The following METTL9 variants were observed in gnomAD, a reference collection of about 807,000 sequenced individuals.
METTL9 encodes methyltransferase 9, His-X-His N1(pi)-histidine.
A neutral mutation model predicts 36.0 loss-of-function variants in METTL9; 10 were observed. The ratio of observed to expected loss-of-function variants is 0.28; its 90% CI spans 0.17 to 0.47. METTL9 has a LOEUF of 0.47. Ranked by LOEUF, METTL9 falls within the 20% of genes least tolerant of loss-of-function variation. The probability of loss-of-function intolerance (pLI) is 0.99; values close to 1 mark genes in which losing one functional copy is unlikely to be tolerated. For synonymous variants in METTL9, 175 were observed against 149.7 expected, an observed-to-expected ratio of 1.17 and a Z score of -1.23; for missense variants, 246 against 383.5, an observed-to-expected ratio of 0.64 and a Z score of 3.00.
chr16:21,630,698 G>C (rs1204810972), intron 4 of METTL9, among the ~76,000 whole-genome samples: 1 of 152,136 alleles, frequency 6.6e-6, no homozygotes, highest in Non-Finnish European at 1.5e-5. Flanking sequence ...TGTTAGTTGA[G>C]CTCATTTGGG....
rs1464400417 is a variant in METTL9, at chr16:21,603,880, A to AT, written c.165+3988dup. Among the ~76,000 whole-genome samples the AT allele has an allele frequency of 3.9e-5, 6 of 152,258 alleles. No homozygotes were observed. In the East Asian group the frequency reaches 9.6e-4, roughly 24 times the overall value. Reference sequence around the variant, plus strand: ...AAGTATGTGTATATTTTTGTGACTTATTTTTTCACTTTCTTATATAAGCTC... The same window carrying AT: ...AAGTATGTGTATATTTTTGTGACTTATTTTTTTCACTTTCTTATATAAGCTC... On this transcript the variant is annotated intron_variant, in intron 1 of 4. Transcript: ENST00000358154.
At chr16:21,600,808 G>A (rs376513055) in intron 1 of METTL9, among the ~76,000 whole-genome samples, 22 of 152,182 alleles carry the variant, frequency 1.4e-4, no homozygotes, top group African/African-American at 5.1e-4. Flanking sequence ...TTTGAACTCT[G>A]CCAGAGTGTT....
At chr16:21,630,469 G>A (rs1038815343) in intron 4 of METTL9, among the ~76,000 whole-genome samples, 15 of 152,212 alleles carry the variant, frequency 9.9e-5, no homozygotes, top group Non-Finnish European at 1.8e-4. Flanking sequence ...AGGGGGCGCC[G>A]AGAGCGAGCG....
intron 4 of METTL9, among the ~76,000 whole-genome samples, chr16:21,627,911 C>T (rs1207542349): frequency 6.6e-6 from 1 of 152,122 alleles, no homozygotes; most frequent in Non-Finnish European, 1.5e-5. Flanking sequence ...CGAGATTGCA[C>T]CACTGCACTC....
chr16:21,625,521 T>C (rs1185432899), intron 4 of METTL9, among the ~76,000 whole-genome samples: 1 of 152,234 alleles, frequency 6.6e-6, no homozygotes, highest in Admixed American at 6.5e-5. Flanking sequence ...TTTGCATCTC[T>C]TGTGCCAGAC....
chr16:21,597,351 G>A (rs919653286), upstream of METTL9: 32 of 1,195,192 alleles, frequency 2.7e-5, no homozygotes, highest in African/African-American at 6.3e-5. Flanking sequence ...TTTGATCATC[G>A]GATGCTCTGG....
Position 21,599,676 on chromosome 16 carries a change from GCCT to G in METTL9, c.-47_-45del, listed in dbSNP as rs946879979. ...GGCGGCGGTGGCCGGAGGCGGCGGT[GCCT>G]CCTCCTCCTCGCCCCGGCGCCGGCG... is the stretch of plus-strand genomic sequence containing the variant. On this transcript the variant is annotated 5_prime_UTR_variant, in exon 1 of 5. Coordinates refer to ENST00000358154, the MANE Select transcript of METTL9 (RefSeq NM_016025.5). This position sits in a 1 kb window ranked among gnomAD's most constrained non-coding sequence, Gnocchi z 4.4. 49 of 1,382,350 alleles carry G rather than the reference GCCT, an allele frequency of 3.5e-5. No individual in the cohort carries two copies. The highest frequency in any genetic ancestry group is 1.5e-4 in the South Asian group (9 of 61,524). The allele number at this position is 1,382,350 out of a possible 1,614,324, so 85.6% of individuals were successfully genotyped here. A position where few individuals can be genotyped will look rare whatever the true frequency, so the allele number is the denominator to read the frequency against.
chr16:21,603,341 G>A (rs1965187537), intron 1 of METTL9, among the ~76,000 whole-genome samples: 1 of 152,078 alleles, frequency 6.6e-6, no homozygotes, highest in Admixed American at 6.6e-5. Context: ...GCTTCACCAT[G>A]TTGGCCAGGC....
At chr16:21,603,995 T>C (rs963786777) in intron 1 of METTL9, among the ~76,000 whole-genome samples, 1 of 152,134 alleles carries the variant, frequency 6.6e-6, no homozygotes, top group Non-Finnish European at 1.5e-5. Flanking sequence ...TTGGACAGCA[T>C]AGCCAGAGCC....
chr16:21,618,693 G>A lies in METTL9; in HGVS notation c.566+619G>A, dbSNP rs374792988. ...CAAGGTTTACTCATGTTGTACCATG[G>A]GCCAAAATTTTCTTTTCTTTTCTTT... On this transcript the variant is annotated intron_variant, in intron 3 of 4. Transcript: ENST00000358154. 9.2e-5 allele frequency among the ~76,000 whole-genome samples: 14 copies of A among 151,802 alleles called. No individual in the cohort carries two copies. In the South Asian group the frequency reaches 2.7e-3, roughly 29 times the overall value.
intron 4 of METTL9, among the ~76,000 whole-genome samples, chr16:21,631,164 C>T (rs1965951336): frequency 6.6e-6 from 1 of 152,114 alleles, no homozygotes; most frequent in African/African-American, 2.4e-5. Context: ...AGTAGATAAA[C>T]TGGCTATTCC....
intron 1 of METTL9, 118 bp from the exon 2 acceptor site, chr16:21,612,527 G>T: frequency 1.1e-6 from 1 of 897,368 alleles, no homozygotes. Context: ...ATCATGAGAT[G>T]GTAATATTTG....
At chr16:21,634,759 C>T (rs927302133) in intron 4 of METTL9, among the ~76,000 whole-genome samples, 5 of 152,056 alleles carry the variant, frequency 3.3e-5, no homozygotes, top group African/African-American at 1.2e-4. Flanking sequence ...GTGATTTGGG[C>T]GACGGGAGTA....
At chr16:21,631,908 T>C (rs1965972165) in intron 4 of METTL9, among the ~76,000 whole-genome samples, 2 of 152,174 alleles carry the variant, frequency 1.3e-5, no homozygotes, top group Admixed American at 1.3e-4. Flanking sequence ...CCATCTCTCT[T>C]TCTCTTTGAC....
At chr16:21,612,566 G>GT in intron 1 of METTL9, 79 bp from the exon 2 acceptor site, 3 of 1,338,146 alleles carry the variant, frequency 2.2e-6, no homozygotes, top group East Asian at 5.4e-5. Flanking sequence ...TAGTCTTCTG[G>GT]TTTTTTGTTT....
intron 4 of METTL9, chr16:21,639,409 A>C (rs1254120642): frequency 6.6e-6 from 1 of 152,172 alleles, no homozygotes; most frequent in Non-Finnish European, 1.5e-5. Flanking sequence ...ATGAAAAGCA[A>C]ATGATCGAAT....
intron 4 of METTL9, chr16:21,646,841 A>G (rs1966441754): frequency 2.3e-5 from 9 of 391,362 alleles, no homozygotes; most frequent in South Asian, 1.9e-4. Context: ...TTTTGAGTAG[A>G]GATGGGGTTT....
Position 21,637,864 on chromosome 16 carries a change from C to G in METTL9, c.751+12749C>G, listed in dbSNP as rs537616612. Among the ~76,000 whole-genome samples, 162 of 152,364 alleles carry G rather than the reference C, an allele frequency of 1.1e-3. 2 individuals carry two copies. Among genetic ancestry groups the G allele is most frequent in the African/African-American group, 3.5e-3 (144 of 41,590 alleles). ...AGTGCGGTCAGAGCGGACACCGAGG[C>G]CGAGGAGGCGCTGAGAGCGAGCGAG... is the stretch of plus-strand genomic sequence containing the variant. On this transcript the variant is annotated intron_variant, in intron 4 of 4. Coordinates refer to ENST00000358154, the MANE Select transcript of METTL9 (RefSeq NM_016025.5).
intron 4 of METTL9, among the ~76,000 whole-genome samples, chr16:21,635,446 G>GGGAT (rs1473005825): frequency 6.6e-6 from 1 of 152,070 alleles, no homozygotes; most frequent in Non-Finnish European, 1.5e-5. Flanking sequence ...GTCCTCCTGT[G>GGGAT]GGATGTAAAT....
Sources: gnomAD v4.1 joint callset for allele counts (sites outside exome capture counted in the v4.1 genomes callset) on GRCh38, gnomAD v4.1.1 for gene constraint, Gnocchi (gnomAD v3.1) non-coding constraint, MANE v1.5 for transcripts, NCBI Gene and HGNC (gene_info 2026-07-23, HGNC 2026-07-21) for gene names.